RANBP9: variants seen among roughly 807,000 people sequenced by gnomAD.
The protein encoded by RANBP9 is RAN binding protein 9.
RANBP9 carries 15 observed loss-of-function variants against 84.3 expected under a neutral mutation model. The observed-to-expected ratio is 0.18, with a 90% CI of 0.12 to 0.27. The LOEUF is 0.27. Among genes scored for constraint, RANBP9 ranks in the 10% least tolerant of loss-of-function variants. RANBP9 has a pLI of 1.00. For missense variants in RANBP9, 809 were observed against 912.8 expected, an observed-to-expected ratio of 0.89 and a Z score of 1.46; for synonymous variants, 392 against 349.6, an observed-to-expected ratio of 1.12 and a Z score of -1.35.
chr6:13,629,610 T>C (rs1764718070), intron 12 of RANBP9, among the ~76,000 whole-genome samples: 1 of 152,160 alleles, frequency 6.6e-6, no homozygotes, highest in Non-Finnish European at 1.5e-5. Flanking sequence ...CTTCAGTTAC[T>C]AAAGGGTCCT....
chr6:13,643,709 G>A (rs1765118118), intron 6 of RANBP9, among the ~76,000 whole-genome samples: 1 of 152,102 alleles, frequency 6.6e-6, no homozygotes, highest in African/African-American at 2.4e-5. Flanking sequence ...TTAAAACAGT[G>A]TGGCCCCAGA....
intron 2 of RANBP9, among the ~76,000 whole-genome samples, chr6:13,690,294 T>A (rs371694244): frequency 6.6e-6 from 1 of 152,370 alleles, no homozygotes; most frequent in East Asian, 1.9e-4. Flanking sequence ...GTTCAACATA[T>A]ATTTGTTAAA....
At chr6:13,702,789 A>G (rs954478194) in intron 1 of RANBP9, among the ~76,000 whole-genome samples, 12 of 151,874 alleles carry the variant, frequency 7.9e-5, no homozygotes, top group South Asian at 2.1e-4. Flanking sequence ...TCCTTCATCT[A>G]TATTTCTCAA....
At chr6:13,703,501 G>A (rs1215180569) in intron 1 of RANBP9, among the ~76,000 whole-genome samples, 1 of 152,172 alleles carries the variant, frequency 6.6e-6, no homozygotes, top group East Asian at 1.9e-4. Context: ...TGTACCAGCA[G>A]GGTATTTTGT....
chr6:13,670,646 C>G (rs1366829336), intron 2 of RANBP9, among the ~76,000 whole-genome samples: 3 of 151,228 alleles, frequency 2.0e-5, no homozygotes, highest in African/African-American at 7.3e-5. Flanking sequence ...AATACAAAAA[C>G]AAAATTAGAC....
At chr6:13,663,862 C>T (rs1765588247) in intron 2 of RANBP9, among the ~76,000 whole-genome samples, 1 of 152,036 alleles carries the variant, frequency 6.6e-6, no homozygotes, top group African/African-American at 2.4e-5. Flanking sequence ...AATAAATACA[C>T]TTGGCAAACT....
chr6:13,699,314 A>G (rs1393288601), intron 1 of RANBP9, among the ~76,000 whole-genome samples: 1 of 152,222 alleles, frequency 6.6e-6, no homozygotes, highest in African/African-American at 2.4e-5. Context: ...TGTAAATATT[A>G]AAACTAAAAA....
chr6:13,624,013 TA>T (rs1214399055), intron 13 of RANBP9, among the ~76,000 whole-genome samples: 1 of 152,226 alleles, frequency 6.6e-6, no homozygotes, highest in Non-Finnish European at 1.5e-5. Context: ...AAGACATTTA[TA>T]GTAAACCATA....
chr6:13,701,571 G>A (rs997742559), intron 1 of RANBP9, among the ~76,000 whole-genome samples: 1 of 152,148 alleles, frequency 6.6e-6, no homozygotes, highest in Middle Eastern at 3.4e-3. Context: ...TCTGGAGTTC[G>A]AGACCAGCCT....
intron 5 of RANBP9, among the ~76,000 whole-genome samples, chr6:13,645,439 A>G (rs1160888208): frequency 2.0e-5 from 3 of 152,224 alleles, no homozygotes; most frequent in African/African-American, 2.4e-5. Flanking sequence ...TGAAAAGGTG[A>G]TAACTTCAAG....
chr6:13,697,057 A>G (rs1423128964), intron 1 of RANBP9, among the ~76,000 whole-genome samples, 161 bp from the exon 2 acceptor site: 1 of 152,244 alleles, frequency 6.6e-6, no homozygotes, highest in Non-Finnish European at 1.5e-5. Context: ...CCATGAACCC[A>G]ATATGCAAAA....
At chr6:13,638,040 A>T in intron 9 of RANBP9, 85 bp from the exon 10 acceptor site, 1 of 1,294,222 alleles carries the variant, frequency 7.7e-7, no homozygotes, top group South Asian at 1.6e-5. Flanking sequence ...TTGATTTTGT[A>T]CTAAGACTTC....
chr6:13,678,297 GATT>G (rs1765944068), intron 2 of RANBP9, among the ~76,000 whole-genome samples: 2 of 152,210 alleles, frequency 1.3e-5, no homozygotes, highest in East Asian at 1.9e-4. Context: ...GGTTCTCAAA[GATT>G]ATTAACACAG....
intron 13 of RANBP9, 37 bp downstream of exon 13, chr6:13,625,616 A>C (rs1190260053): frequency 7.6e-6 from 11 of 1,447,116 alleles, no homozygotes; most frequent in South Asian, 1.2e-5. Flanking sequence ...TTTTCAGAGA[A>C]TCTAACTGAA....
At chr6:13,652,228 G>A (rs1765314144) in intron 5 of RANBP9, among the ~76,000 whole-genome samples, 1 of 152,062 alleles carries the variant, frequency 6.6e-6, no homozygotes, top group African/African-American at 2.4e-5. Flanking sequence ...TTCACAGCTT[G>A]AATACTATAA....
chr6:13,687,945 T>G (rs1456186651), intron 2 of RANBP9, among the ~76,000 whole-genome samples: 1 of 152,226 alleles, frequency 6.6e-6, no homozygotes, highest in African/African-American at 2.4e-5. Flanking sequence ...CAAAACTTTA[T>G]GCTGAGCTTC....
At chr6:13,710,195 C>T (rs1307086287) in intron 1 of RANBP9, among the ~76,000 whole-genome samples, 3 of 152,084 alleles carry the variant, frequency 2.0e-5, no homozygotes, top group African/African-American at 7.2e-5. Context: ...AAACATAAGC[C>T]AATTTTCTTC....
intron 2 of RANBP9, among the ~76,000 whole-genome samples, chr6:13,688,982 CAAAAAAAAAAAAA>C (rs1164073062): frequency 6.7e-5 from 2 of 29,952 alleles, no homozygotes; most frequent in African/African-American, 2.1e-4. Flanking sequence ...CCCATCTCCA[CAAAAAAAAAAAAA>C]AAAAAAAAAT....
At chr6:13,648,704 G>A (rs541414843) in intron 5 of RANBP9, among the ~76,000 whole-genome samples, 1 of 152,048 alleles carries the variant, frequency 6.6e-6, no homozygotes, top group Admixed American at 6.5e-5. Flanking sequence ...GTCTACATTC[G>A]ATCTCTTTTA....
Sources: gnomAD v4.1 joint callset for allele counts (sites outside exome capture counted in the v4.1 genomes callset) on GRCh38, gnomAD v4.1.1 for gene constraint, MANE v1.5 for transcripts, NCBI Gene and HGNC (gene_info 2026-07-23, HGNC 2026-07-21) for gene names.